The following RPS6KC1 variants were observed in gnomAD, a reference collection of about 807,000 sequenced individuals.
RPS6KC1 encodes ribosomal protein S6 kinase C1.
Under a neutral mutation model 103.8 loss-of-function variants are expected in RPS6KC1, and 54 were observed. That is an observed-to-expected ratio of 0.52 (90% CI 0.42 to 0.65). RPS6KC1 has a LOEUF of 0.65. RPS6KC1 is among the 30% of genes least tolerant of loss of function. The pLI, the probability that RPS6KC1 is intolerant of heterozygous loss-of-function variation, is 0.00. For missense variants in RPS6KC1, 1,151 were observed against 1,253.8 expected (o/e 0.92, Z 1.24); for synonymous variants, 439 against 438.7 (o/e 1.00, Z -0.01).
chr1:213,064,802 C>T (rs548467233), intron 1 of RPS6KC1, among the ~76,000 whole-genome samples: 11 of 150,338 alleles, frequency 7.3e-5, no homozygotes, highest in South Asian at 4.2e-4. Context: ...CTCAGCCTCC[C>T]GAGTAACTGG....
the RPS6KC1 span, among the ~76,000 whole-genome samples, chr1:213,675,032 G>T: frequency 6.6e-6 from 1 of 152,032 alleles, no homozygotes; most frequent in East Asian, 1.9e-4. Context: ...TAGATTCTGG[G>T]TATTAGACCT....
chr1:213,598,396 G>A, the RPS6KC1 span, among the ~76,000 whole-genome samples: 1 of 152,184 alleles, frequency 6.6e-6, no homozygotes, highest in Non-Finnish European at 1.5e-5. Context: ...ACAATCTAGA[G>A]TTATATCTGA....
chr1:213,501,339 A>C, the RPS6KC1 span, among the ~76,000 whole-genome samples: 1 of 152,230 alleles, frequency 6.6e-6, no homozygotes, highest in African/African-American at 2.4e-5. Flanking sequence ...TAGAGAAAAA[A>C]TTATGTTCTC....
At chr1:213,059,742 G>A (rs1168121572) in intron 1 of RPS6KC1, among the ~76,000 whole-genome samples, 3 of 151,584 alleles carry the variant, frequency 2.0e-5, no homozygotes, top group African/African-American at 7.3e-5. Context: ...GCGTGATCTT[G>A]GCTCACTGCA....
intron 1 of RPS6KC1, among the ~76,000 whole-genome samples, chr1:213,060,601 T>C (rs2077746545): frequency 6.6e-6 from 1 of 152,262 alleles, no homozygotes; most frequent in African/African-American, 2.4e-5. Context: ...AAACCATTCC[T>C]GATTTCATCT....
At chr1:213,082,028 A>G (rs1283043189) in intron 3 of RPS6KC1, among the ~76,000 whole-genome samples, 1 of 152,146 alleles carries the variant, frequency 6.6e-6, no homozygotes, top group East Asian at 1.9e-4. Context: ...AGCAATAACT[A>G]CTTAATAGAC....
chr1:213,639,299 T>C, the RPS6KC1 span, among the ~76,000 whole-genome samples: 1 of 152,090 alleles, frequency 6.6e-6, no homozygotes, highest in Non-Finnish European at 1.5e-5. Flanking sequence ...AACGGCTTTA[T>C]TGTCTTCCTT....
chr1:213,459,006 C>T, the RPS6KC1 span, among the ~76,000 whole-genome samples: 1 of 152,226 alleles, frequency 6.6e-6, no homozygotes, highest in African/African-American at 2.4e-5. Flanking sequence ...ATTCAGTTTG[C>T]CAGTATTTTA....
At chr1:213,650,852 T>C in the RPS6KC1 span, among the ~76,000 whole-genome samples, 1 of 149,196 alleles carries the variant, frequency 6.7e-6, no homozygotes, top group Non-Finnish European at 1.5e-5. Flanking sequence ...CAAACACAGA[T>C]AGGTTATCAG....
At chr1:213,531,568 C>T in the RPS6KC1 span, among the ~76,000 whole-genome samples, 1 of 152,210 alleles carries the variant, frequency 6.6e-6, no homozygotes, top group East Asian at 1.9e-4. Flanking sequence ...ATAACCAGTT[C>T]TGCCTGACTG....
chr1:213,328,183 T>C, the RPS6KC1 span, among the ~76,000 whole-genome samples: 1 of 152,180 alleles, frequency 6.6e-6, no homozygotes, highest in Non-Finnish European at 1.5e-5. Flanking sequence ...TCAATAGGCA[T>C]GCAATACATT....
intron 6 of RPS6KC1, among the ~76,000 whole-genome samples, chr1:213,164,817 C>T (rs1019310109): frequency 6.6e-6 from 1 of 152,212 alleles, no homozygotes; most frequent in African/African-American, 2.4e-5. Context: ...AGTTCTCTCA[C>T]CTTGGCCTCC....
the RPS6KC1 span, among the ~76,000 whole-genome samples, chr1:213,507,729 G>A: frequency 6.6e-6 from 1 of 152,120 alleles, no homozygotes; most frequent in Admixed American, 6.5e-5. Context: ...GCCCAGGCAT[G>A]GCTTGAGCTA....
the RPS6KC1 span, among the ~76,000 whole-genome samples, chr1:213,540,865 A>G: frequency 6.6e-6 from 1 of 152,118 alleles, no homozygotes; most frequent in Non-Finnish European, 1.5e-5. Flanking sequence ...TTTCAACAAC[A>G]TTCCTAGCAT....
chr1:213,085,439 C>G (rs1380691971), intron 3 of RPS6KC1, among the ~76,000 whole-genome samples: 1 of 152,164 alleles, frequency 6.6e-6, no homozygotes, highest in East Asian at 1.9e-4. Context: ...AACCAGTTTT[C>G]AGACTACTAC....
At chr1:213,532,186 C>G in the RPS6KC1 span, among the ~76,000 whole-genome samples, 2 of 152,002 alleles carry the variant, frequency 1.3e-5, no homozygotes, top group African/African-American at 4.8e-5. Context: ...CAACTTGGAG[C>G]GGGCACCAAG....
At chr1:213,419,564 A>G in the RPS6KC1 span, among the ~76,000 whole-genome samples, 5 of 152,348 alleles carry the variant, frequency 3.3e-5, no homozygotes, top group Admixed American at 3.3e-4. Context: ...ACCTAGATCT[A>G]CAGACTCCAT....
chr1:213,478,182 A>G, the RPS6KC1 span, among the ~76,000 whole-genome samples: 2 of 152,046 alleles, frequency 1.3e-5, no homozygotes, highest in Admixed American at 1.3e-4. Flanking sequence ...ATGTCTTTTT[A>G]TGACTGGATA....
the RPS6KC1 span, among the ~76,000 whole-genome samples, chr1:213,481,726 C>T: frequency 1.4e-3 from 206 of 152,082 alleles, 1 homozygote; most frequent in Non-Finnish European, 2.2e-3. Context: ...TTTTTAAAAT[C>T]CAGTTTGAGA....
Sources: gnomAD v4.1 joint callset for allele counts (sites outside exome capture counted in the v4.1 genomes callset) on GRCh38, gnomAD v4.1.1 for gene constraint, MANE v1.5 for transcripts, NCBI Gene and HGNC (gene_info 2026-07-23, HGNC 2026-07-21) for gene names.